The following TUSC3 variants were observed in gnomAD, a reference collection of about 807,000 sequenced individuals.
TUSC3 encodes the protein tumor suppressor candidate 3.
A neutral mutation model predicts 44.8 loss-of-function variants in TUSC3; 45 were observed. That is an observed-to-expected ratio of 1.00 (90% CI 0.79 to 1.29). The LOEUF is 1.29. Ranked by LOEUF, TUSC3 falls within the 50% of genes most tolerant of loss-of-function variation. The pLI, the probability that TUSC3 is intolerant of heterozygous loss-of-function variation, is 0.00. For missense variants in TUSC3, 519 were observed against 437.9 expected, an observed-to-expected ratio of 1.19 and a Z score of -1.65; for synonymous variants, 212 against 152.9, an observed-to-expected ratio of 1.39 and a Z score of -2.85.
At chr8:15,582,838 C>T (rs899326181) in intron 1 of TUSC3, among the ~76,000 whole-genome samples, 8 of 152,206 alleles carry the variant, frequency 5.3e-5, no homozygotes, top group Non-Finnish European at 1.0e-4. Flanking sequence ...AGCCAGTGAC[C>T]TTTCTTTAAA....
intron 2 of TUSC3, among the ~76,000 whole-genome samples, chr8:15,517,983 CAAAA>C (rs34752261): frequency 6.7e-5 from 10 of 150,042 alleles, no homozygotes; most frequent in Non-Finnish European, 1.3e-4. Flanking sequence ...CAAGAACAAA[CAAAA>C]AAAAACCCCC....
chr8:15,573,910 G>A (rs893410904), intron 1 of TUSC3, among the ~76,000 whole-genome samples: 2 of 152,114 alleles, frequency 1.3e-5, no homozygotes, highest in African/African-American at 4.8e-5. Flanking sequence ...TGATAGGAGG[G>A]GGAGAGAATA....
intron 1 of TUSC3, among the ~76,000 whole-genome samples, chr8:15,452,485 T>A (rs7841292): frequency 0.95 from 145,395 of 152,260 alleles, 69,707 homozygotes; most frequent in Non-Finnish European, 1. Context: ...ATCTCCTTAG[T>A]TTCTGCAACT....
intron 1 of TUSC3, among the ~76,000 whole-genome samples, chr8:15,478,967 C>T (rs1800621799): frequency 6.6e-6 from 1 of 151,980 alleles, no homozygotes; most frequent in Admixed American, 6.6e-5. Context: ...TTTTAATAAC[C>T]ATCATTGTGA....
chr8:15,526,521 C>G (rs547558805), intron 2 of TUSC3, among the ~76,000 whole-genome samples: 7 of 152,180 alleles, frequency 4.6e-5, no homozygotes, highest in African/African-American at 1.4e-4. Flanking sequence ...CAGGTTTCCC[C>G]CATACTGTTC....
In TUSC3 at chr8:15,439,771, T is replaced by C. The variant is rs1289803565; in HGVS notation, n.91+22466T>C. Among the ~76,000 whole-genome samples the C allele has an allele frequency of 2.6e-5, 4 of 152,214 alleles. No individual in the cohort carries two copies. The East Asian group carries it at 7.7e-4, about 29-fold the overall frequency. The stretch of plus-strand genomic sequence containing the variant: ...TTAATAAGTATTTCCCTCCAGTGTT[T>C]GATCCTTCTATATAGTCTTTATTCA... On this transcript the variant is annotated intron_variant and non_coding_transcript_variant, in intron 1 of 5. Transcript: ENST00000503191.
chr8:15,533,533 A>G (rs1171095466), intron 2 of TUSC3, among the ~76,000 whole-genome samples: 4 of 152,166 alleles, frequency 2.6e-5, no homozygotes, highest in African/African-American at 9.7e-5. Flanking sequence ...TCTACAAGGA[A>G]TTTCCCTGTG....
At chr8:15,584,898 A>G (rs1030736874) in intron 1 of TUSC3, among the ~76,000 whole-genome samples, 4 of 152,168 alleles carry the variant, frequency 2.6e-5, no homozygotes, top group Non-Finnish European at 5.9e-5. Flanking sequence ...AGAGATCTGA[A>G]ATACTATTTG....
chr8:15,716,714 AAAAG>A (rs1382973297), intron 6 of TUSC3, among the ~76,000 whole-genome samples: 6 of 152,138 alleles, frequency 3.9e-5, no homozygotes, highest in Admixed American at 2.0e-4. Flanking sequence ...TGCTTACCGA[AAAAG>A]AAAATCATTT....
At chr8:15,776,874 C>CA in the TUSC3 span, among the ~76,000 whole-genome samples, 1 of 151,994 alleles carries the variant, frequency 6.6e-6, no homozygotes, top group African/African-American at 2.4e-5. Context: ...AACAGGGTAA[C>CA]ATGATGGGCA....
chr8:15,546,100 G>T (rs1281724920), intron 1 of TUSC3, among the ~76,000 whole-genome samples: 1 of 151,788 alleles, frequency 6.6e-6, no homozygotes, highest in Non-Finnish European at 1.5e-5. Context: ...AACAGTGTGT[G>T]TATGCACATA....
chr8:15,571,933 G>C (rs1117881), intron 1 of TUSC3, among the ~76,000 whole-genome samples: 120,716 of 152,038 alleles, frequency 0.79, 48,685 homozygotes, highest in Non-Finnish European at 0.87. Context: ...TTTAAACATA[G>C]GTGCTGTTTT....
chr8:15,719,880 A>G (rs1189611113), intron 6 of TUSC3, among the ~76,000 whole-genome samples: 1 of 151,964 alleles, frequency 6.6e-6, no homozygotes, highest in Non-Finnish European at 1.5e-5. Context: ...TGTGTATGAG[A>G]TTTCTGTTAA....
chr8:15,758,283 A>G, intron 10 of TUSC3: 1 of 976,020 alleles, frequency 1.0e-6, no homozygotes, highest in Non-Finnish European at 1.2e-6. Context: ...CCAAACAGTT[A>G]ACTTACTGAA....
chr8:15,490,716 A>T (rs144126701), intron 2 of TUSC3, among the ~76,000 whole-genome samples: 1 of 152,362 alleles, frequency 6.6e-6, no homozygotes, highest in Non-Finnish European at 1.5e-5. Context: ...GGGTGCACTC[A>T]TCAAAAATAA....
chr8:15,764,228 G>C lies in TUSC3; in HGVS notation c.*72G>C, dbSNP rs1812264144. 1 of 1,606,328 alleles carries C rather than the reference G, an allele frequency of 6.2e-7. No individual in the cohort carries two copies. Among genetic ancestry groups the C allele is most frequent in the Admixed American group, 1.7e-5 (1 of 59,690 alleles). ...CTTTTTAATTAAATGAAGCCAAGTG[G>C]GATTTGCATAAAGTGAATGTTTACC... On this transcript the variant is annotated 3_prime_UTR_variant, in exon 11 of 11. Transcript: ENST00000503731.
At chr8:15,604,851 T>G (rs1804451204) in intron 1 of TUSC3, among the ~76,000 whole-genome samples, 1 of 151,872 alleles carries the variant, frequency 6.6e-6, no homozygotes, top group Non-Finnish European at 1.5e-5. Flanking sequence ...AACTTTATCT[T>G]ACAAGACCCA....
intron 1 of TUSC3, among the ~76,000 whole-genome samples, chr8:15,454,075 A>T (rs928868138): frequency 6.6e-6 from 1 of 152,182 alleles, no homozygotes; most frequent in Non-Finnish European, 1.5e-5. Context: ...TGCACTATGC[A>T]TGCTCCCCTC....
At chr8:15,770,484 C>T (rs1563215652), downstream of TUSC3, among the ~76,000 whole-genome samples, 1 of 151,912 alleles carries the variant, frequency 6.6e-6, no homozygotes, top group African/African-American at 2.4e-5. Flanking sequence ...TGCAGCAAAC[C>T]ACCATGGCAT....
Sources: gnomAD v4.1 joint callset for allele counts (sites outside exome capture counted in the v4.1 genomes callset) on GRCh38, gnomAD v4.1.1 for gene constraint, MANE v1.5 for transcripts, NCBI Gene and HGNC (gene_info 2026-07-23, HGNC 2026-07-21) for gene names.